Variants in PARD3B observed in about 807,000 individuals in gnomAD.
The protein encoded by PARD3B is par-3 family cell polarity regulator beta, also known as partitioning defective 3 homolog B.
Under a neutral mutation model 130.2 loss-of-function variants are expected in PARD3B, and 103 were observed. That is an observed-to-expected ratio of 0.79 (90% CI 0.67 to 0.93). PARD3B has a LOEUF of 0.93. Ranked by LOEUF, PARD3B falls within the 40% of genes least tolerant of loss-of-function variation. PARD3B has a pLI of 0.00. For synonymous variants in PARD3B, 583 were observed against 553.2 expected (o/e 1.05, Z -0.76); for missense variants, 1,609 against 1,499.2 (o/e 1.07, Z -1.21).
At chr2:204,705,812 T>G (rs2038114170) in intron 2 of PARD3B, among the ~76,000 whole-genome samples, 1 of 152,110 alleles carries the variant, frequency 6.6e-6, no homozygotes, top group South Asian at 2.1e-4. Flanking sequence ...AGCAGGTACT[T>G]AAGTTTGACC....
chr2:204,902,784 A>G (rs1286306562), intron 2 of PARD3B, among the ~76,000 whole-genome samples: 1 of 151,930 alleles, frequency 6.6e-6, no homozygotes, highest in African/African-American at 2.4e-5. Context: ...AGAAACTTTA[A>G]TGAGTTCATT....
chr2:204,546,924 T>C (rs1035127425), intron 1 of PARD3B, among the ~76,000 whole-genome samples: 3 of 152,190 alleles, frequency 2.0e-5, no homozygotes, highest in Non-Finnish European at 4.4e-5. Context: ...TTGGGTAACA[T>C]TGGGCCTCTG....
At chr2:205,000,072 G>T (rs1156341547) in intron 3 of PARD3B, among the ~76,000 whole-genome samples, 7 of 151,530 alleles carry the variant, frequency 4.6e-5, no homozygotes, top group Admixed American at 1.3e-4. Context: ...TCATGCATCT[G>T]TTGGGGTATA....
intron 22 of PARD3B, among the ~76,000 whole-genome samples, chr2:205,612,402 A>G (rs1480090971): frequency 6.6e-6 from 1 of 152,202 alleles, no homozygotes; most frequent in African/African-American, 2.4e-5. Context: ...TTGGCCTCCT[A>G]AAGTGCTGGA....
Position 204,673,340 on chromosome 2 carries a change from A to G in PARD3B, c.121-12841A>G, listed in dbSNP as rs1221253314. Among the ~76,000 whole-genome samples the G allele has an allele frequency of 6.6e-6, 1 of 152,192 alleles. No individual in the cohort carries two copies. The highest frequency in any genetic ancestry group is 1.5e-5 in the Non-Finnish European group (1 of 68,026). ...CTGATGTAAAAAGTAGTAGAATTTT[A>G]TTTCATTTTGTAGAGTGGAATAAAA... On this transcript the variant is annotated intron_variant, in intron 1 of 22. Transcript: ENST00000406610. The surrounding 1 kb of genome is among the most constrained non-coding windows in gnomAD (Gnocchi z 4.7).
chr2:205,334,750 A>G (rs929961531), intron 18 of PARD3B, among the ~76,000 whole-genome samples: 1 of 152,194 alleles, frequency 6.6e-6, no homozygotes, highest in Non-Finnish European at 1.5e-5. Flanking sequence ...CTGATGTAAG[A>G]AAGTTTTGCT....
At chr2:204,619,110 C>T (rs186308003) in intron 1 of PARD3B, among the ~76,000 whole-genome samples, 1 of 152,206 alleles carries the variant, frequency 6.6e-6, no homozygotes, top group African/African-American at 2.4e-5. Flanking sequence ...TCATCTTCAC[C>T]TCTTTTTAGT....
intron 20 of PARD3B, chr2:205,482,716 TC>T (rs1403055792): frequency 3.3e-5 from 5 of 152,102 alleles, no homozygotes; most frequent in Admixed American, 3.3e-4. Context: ...ACTGGATTCT[TC>T]CCTGGTAGAA....
intron 3 of PARD3B, among the ~76,000 whole-genome samples, chr2:204,988,779 T>G (rs1196903639): frequency 6.6e-6 from 1 of 152,092 alleles, no homozygotes; most frequent in African/African-American, 2.4e-5. Context: ...TTAAAATAAC[T>G]GAAAAAGAGA....
At chr2:205,294,039 C>G (rs935417073) in intron 16 of PARD3B, among the ~76,000 whole-genome samples, 2 of 152,076 alleles carry the variant, frequency 1.3e-5, no homozygotes, top group Admixed American at 6.6e-5. Context: ...TATAAGTACC[C>G]ACATGTCTCT....
intron 20 of PARD3B, among the ~76,000 whole-genome samples, chr2:205,478,191 G>C (rs2049093419): frequency 6.6e-6 from 1 of 152,198 alleles, no homozygotes; most frequent in Non-Finnish European, 1.5e-5. Context: ...GAAGAGTAAA[G>C]CCTTGAAGTA....
rs141163719 is a variant in PARD3B, at chr2:205,458,484, A to G, written c.3044+17812A>G. Among the ~76,000 whole-genome samples, 41 of 152,186 alleles carry G rather than the reference A, an allele frequency of 2.7e-4. No individual in the cohort carries two copies. The highest frequency in any genetic ancestry group is 1.5e-3 in the East Asian group (8 of 5,180). On this transcript the variant is annotated intron_variant, in intron 20 of 22. Transcript: ENST00000406610. This position sits in a 1 kb window ranked among gnomAD's most constrained non-coding sequence, Gnocchi z 4.8. ...CTACTCTTGCCTGTGTGCTGTGTCC[A>G]GTCTTCTATTAAACCCTTCTGTTGA...
intron 3 of PARD3B, among the ~76,000 whole-genome samples, chr2:205,014,239 A>ATTTC (rs1383929105): frequency 6.6e-6 from 1 of 152,194 alleles, no homozygotes; most frequent in Admixed American, 6.5e-5. Context: ...AAGTCAGTGA[A>ATTTC]AACCAGAAAT....
At position 205,615,563 on chromosome 2, in the gene PARD3B, A is replaced by G. The variant is rs761535119; in HGVS notation, c.3368A>G (p.Lys1123Arg). The G allele has an allele frequency of 6.2e-7, 1 of 1,614,076 alleles. No homozygotes were observed. The highest frequency in any genetic ancestry group is 1.7e-5 in the Admixed American group (1 of 60,026). Reference sequence around the variant, plus strand: ...GGGGCTCATCCTATGCACCCTCCCAAAGGGAGCTATCCCCGCCCCACAGAG... The same window carrying G: ...GGGGCTCATCCTATGCACCCTCCCAGAGGGAGCTATCCCCGCCCCACAGAG... ...YPGAHPMHPP[K>R]GSYPRPTELR... The change falls in exon 23 of 23, where the codon AAA (lysine) becomes AGA (arginine). Residue 1123 changes from lysine to arginine, a missense_variant. By Grantham distance (26) the Lys-to-Arg change is conservative (BLOSUM62 2). Transcript: ENST00000406610.
chr2:204,714,945 C>T (rs192234286), intron 2 of PARD3B, among the ~76,000 whole-genome samples: 1 of 152,110 alleles, frequency 6.6e-6, no homozygotes, highest in Non-Finnish European at 1.5e-5. Flanking sequence ...TTTCATGTTA[C>T]AATTAGAGGT....
chr2:205,155,254 G>A (rs1156519879), intron 10 of PARD3B, among the ~76,000 whole-genome samples: 4 of 152,112 alleles, frequency 2.6e-5, no homozygotes, highest in Non-Finnish European at 4.4e-5. Context: ...TGAGGTGTCT[G>A]CGGTGTAGAT....
chr2:205,481,028 G>C (rs1439479892), intron 20 of PARD3B, among the ~76,000 whole-genome samples: 2 of 152,148 alleles, frequency 1.3e-5, no homozygotes, highest in Non-Finnish European at 2.9e-5. Context: ...ATCTCTCTGT[G>C]AGCACAGGAG....
intron 1 of PARD3B, among the ~76,000 whole-genome samples, chr2:204,596,878 A>G (rs1385509906): frequency 6.6e-6 from 1 of 151,314 alleles, no homozygotes. Flanking sequence ...AGATGGCACC[A>G]TTGCACTCCA....
At chr2:205,448,070 A>G (rs1482888627) in intron 20 of PARD3B, among the ~76,000 whole-genome samples, 1 of 152,230 alleles carries the variant, frequency 6.6e-6, no homozygotes, top group Non-Finnish European at 1.5e-5. Context: ...GATGTAGAAA[A>G]CACAGCAAAT....
Sources: allele counts gnomAD v4.1 joint callset (sites outside exome capture counted in the v4.1 genomes callset), GRCh38; gene constraint gnomAD v4.1.1; non-coding constraint Gnocchi (gnomAD v3.1); transcripts MANE v1.5; gene names NCBI Gene and HGNC (gene_info 2026-07-23, HGNC 2026-07-21).